The following MPRIP variants were observed in gnomAD, a reference collection of about 807,000 sequenced individuals.
MPRIP encodes the protein myosin phosphatase Rho interacting protein.
Under a neutral mutation model 234.9 loss-of-function variants are expected in MPRIP, and 59 were observed. That is an observed-to-expected ratio of 0.25 (90% CI 0.20 to 0.31). MPRIP has a LOEUF of 0.31. MPRIP is among the 10% of genes least tolerant of loss of function. MPRIP has a pLI of 1.00. For missense variants in MPRIP, 2,436 were observed against 3,071.0 expected, an observed-to-expected ratio of 0.79 and a Z score of 4.89; for synonymous variants, 1,144 against 1,263.9, an observed-to-expected ratio of 0.91 and a Z score of 2.01.
At chr17:17,148,230 G>A (rs1890309680) in intron 11 of MPRIP, among the ~76,000 whole-genome samples, 1 of 152,228 alleles carries the variant, frequency 6.6e-6, no homozygotes, top group Non-Finnish European at 1.5e-5. Context: ...GGGGAAGTAA[G>A]GAGCCTATGT....
intron 3 of MPRIP, among the ~76,000 whole-genome samples, chr17:17,085,278 C>T (rs894024647): frequency 6.6e-6 from 1 of 152,176 alleles, no homozygotes; most frequent in Non-Finnish European, 1.5e-5. Flanking sequence ...CTGCTCATTT[C>T]TATTTCTGTG....
At chr17:17,044,561 A>C (rs933668122) in intron 1 of MPRIP, among the ~76,000 whole-genome samples, 7 of 152,188 alleles carry the variant, frequency 4.6e-5, no homozygotes, top group Non-Finnish European at 8.8e-5. Context: ...CAAACCAAAA[A>C]AACCTGCCAC....
rs370017367 is a variant in MPRIP at position 17,163,928 on chromosome 17, T to TAA, written c.2518-167_2518-166dup. Reference sequence around the variant, plus strand: ...TGTTTACCTGGAAGCAGCTACTTACTAAAAAAAAAAAAAAAGAAAATTTGT... The same window carrying TAA: ...TGTTTACCTGGAAGCAGCTACTTACTAAAAAAAAAAAAAAAAAGAAAATTTGT... On this transcript the variant is annotated intron_variant, in intron 15 of 23. Transcript: ENST00000651222. Among the ~76,000 whole-genome samples, 769 of 129,348 alleles carry TAA rather than the reference T, an allele frequency of 5.9e-3. 3 individuals are homozygous for TAA. Among genetic ancestry groups the TAA allele is most frequent in the Non-Finnish European group, 9.0e-3 (574 of 63,432 alleles). 84.9% of individuals were successfully genotyped at this position (129,348 alleles called of 152,430 possible).
intron 3 of MPRIP, among the ~76,000 whole-genome samples, chr17:17,095,133 C>T (rs1015645837): frequency 3.9e-5 from 6 of 151,982 alleles, no homozygotes; most frequent in African/African-American, 1.5e-4. Flanking sequence ...TCCGTGTGTC[C>T]TCTTTTGTAG....
At chr17:17,170,460 A>G (rs2046109239) in intron 16 of MPRIP, among the ~76,000 whole-genome samples, 1 of 152,218 alleles carries the variant, frequency 6.6e-6, no homozygotes, top group Admixed American at 6.5e-5. Context: ...CCAGAGCAGC[A>G]CATAGGTTGC....
chr17:17,159,084 G>C lies in MPRIP; in HGVS notation c.2400+82G>C. 4.2e-6 allele frequency: 6 copies of C among 1,432,950 alleles called. No homozygotes were observed. In the Admixed American group the frequency reaches 1.3e-4, roughly 30 times the overall value. 88.8% of individuals were successfully genotyped at this position (1,432,950 alleles called of 1,614,324 possible). On this transcript the variant is annotated intron_variant, in intron 14 of 23. Coordinates refer to ENST00000651222, the MANE Select transcript of MPRIP (RefSeq NM_001364716.4). The stretch of plus-strand genomic sequence containing the variant: ...GCTGTGCCCAGCTGTGGCCTGAGGG[G>C]TTCATCTAGACAGTCCTACCCGCGA...
At chr17:17,098,492 A>G (rs777412157) in intron 3 of MPRIP, among the ~76,000 whole-genome samples, 11 of 152,196 alleles carry the variant, frequency 7.2e-5, no homozygotes, top group Non-Finnish European at 1.2e-4. Context: ...AACGGAATAA[A>G]TACGAAAGGC....
intron 3 of MPRIP, among the ~76,000 whole-genome samples, chr17:17,104,616 A>G (rs1259814100): frequency 3.3e-5 from 5 of 152,094 alleles, no homozygotes; most frequent in Non-Finnish European, 1.5e-5. Context: ...GGCTGCTAGC[A>G]GAGTACCTGT....
intron 3 of MPRIP, among the ~76,000 whole-genome samples, chr17:17,104,581 CCTTTTGT>C (rs2090027652): frequency 1.3e-5 from 2 of 152,178 alleles, no homozygotes; most frequent in African/African-American, 4.8e-5. Context: ...CTCCGTCCTT[CCTTTTGT>C]CCCTGTCACC....
At chr17:17,074,285 A>T (rs1022069269) in intron 1 of MPRIP, among the ~76,000 whole-genome samples, 1 of 152,206 alleles carries the variant, frequency 6.6e-6, no homozygotes, top group Non-Finnish European at 1.5e-5. Flanking sequence ...ACCTTTTCCA[A>T]TGCATTCTCG....
At chr17:17,170,848 G>A (rs2046117044) in intron 16 of MPRIP, 1 of 152,208 alleles carries the variant, frequency 6.6e-6, no homozygotes, top group Non-Finnish European at 1.5e-5. Flanking sequence ...CTTTGTTAGT[G>A]AGCACAGCTC....
At position 17,166,073 on chromosome 17, in the gene MPRIP, G is replaced by A; in HGVS notation, c.4482G>A (p.Gln1494=). ...TGAGATCTCTGCCTAGGGCCAGCCA[G>A]GAGGATGAGCAGGACGCACGCGCAG... ...EQLRSLPRAS[Q]EDEQDARAAS... The change falls in exon 16 of 24, where the codon CAG becomes CAA. Residue 1494 remains glutamine (Q), a synonymous_variant. Transcript: ENST00000651222. This position sits in a 1 kb window ranked among gnomAD's most constrained non-coding sequence, Gnocchi z 4.4. 3 of 1,301,052 alleles carry A rather than the reference G, an allele frequency of 2.3e-6. No individual in the cohort carries two copies. Among genetic ancestry groups the A allele is most frequent in the Non-Finnish European group, 3.0e-6 (3 of 986,840 alleles). 80.6% of individuals were successfully genotyped at this position (1,301,052 alleles called of 1,614,324 possible). A position where few individuals can be genotyped will look rare whatever the true frequency, so the allele number is the denominator to read the frequency against.
At chr17:17,135,884 G>C (rs916159167) in intron 5 of MPRIP, among the ~76,000 whole-genome samples, 2 of 152,238 alleles carry the variant, frequency 1.3e-5, no homozygotes, top group Non-Finnish European at 2.9e-5. Context: ...CAGAGGGTGG[G>C]TAAGGCCACA....
chr17:17,131,003 G>A (rs1156391078), intron 4 of MPRIP, among the ~76,000 whole-genome samples: 2 of 152,108 alleles, frequency 1.3e-5, no homozygotes, highest in Admixed American at 6.5e-5. Flanking sequence ...TGCTGGCAGC[G>A]CCTGCTTTTG....
At position 17,165,656 on chromosome 17, in the gene MPRIP, A is replaced by G. The variant is rs879282379; in HGVS notation, c.4065A>G (p.Ser1355=). 7.0e-5 allele frequency: 91 copies of G among 1,304,938 alleles called. No homozygotes were observed. The Admixed American group carries it at 2.0e-3, about 29-fold the overall frequency. The allele number at this position is 1,304,938 out of a possible 1,614,324, so 80.8% of individuals were successfully genotyped here. ...CTTCCGACACCAGCCAGGACCGGTC[A>G]CCCTCGGAAGAAAGCATGTCCTCAG... ...STSSDTSQDR[S]PSEESMSSEP... Residue 1355 remains serine, a synonymous_variant, in exon 16 of 24, where the codon TCA becomes TCG. Coordinates refer to ENST00000651222, the MANE Select transcript of MPRIP (RefSeq NM_001364716.4).
intron 14 of MPRIP, among the ~76,000 whole-genome samples, chr17:17,160,797 T>G (rs1359567676): frequency 1.3e-5 from 2 of 152,210 alleles, no homozygotes; most frequent in Non-Finnish European, 2.9e-5. Flanking sequence ...GCCTGGCCTG[T>G]GTGACCAGCT....
intron 1 of MPRIP, among the ~76,000 whole-genome samples, chr17:17,043,993 C>T (rs909521916): frequency 3.3e-5 from 5 of 152,144 alleles, no homozygotes; most frequent in East Asian, 1.9e-4. Context: ...AGACTGAAAA[C>T]GAGTGAACGG....
At chr17:17,109,367 C>G (rs1333289200) in intron 3 of MPRIP, among the ~76,000 whole-genome samples, 1 of 152,188 alleles carries the variant, frequency 6.6e-6, no homozygotes, top group Non-Finnish European at 1.5e-5. Flanking sequence ...AGTTCTCTCA[C>G]ACGAGTACTG....
chr17:17,076,614 G>A (rs752696605), intron 2 of MPRIP, among the ~76,000 whole-genome samples: 1 of 152,008 alleles, frequency 6.6e-6, no homozygotes, highest in Non-Finnish European at 1.5e-5. Context: ...AAATGTTCCT[G>A]GGAAACATGT....
Sources: gnomAD v4.1 joint callset for allele counts (sites outside exome capture counted in the v4.1 genomes callset) on GRCh38, gnomAD v4.1.1 for gene constraint, Gnocchi (gnomAD v3.1) non-coding constraint, MANE v1.5 for transcripts, NCBI Gene and HGNC (gene_info 2026-07-23, HGNC 2026-07-21) for gene names.